The following FLNB variants were observed in gnomAD, a reference collection of about 807,000 sequenced individuals.
FLNB encodes filamin B.
A neutral mutation model predicts 250.6 loss-of-function variants in FLNB; 111 were observed. The observed-to-expected ratio is 0.44, with a 90% CI of 0.38 to 0.52. FLNB has a LOEUF of 0.52. FLNB is among the 20% of genes least tolerant of loss of function. The pLI, the probability that FLNB is intolerant of heterozygous loss-of-function variation, is 0.00. For synonymous variants in FLNB, 1,302 were observed against 1,372.1 expected (o/e 0.95, Z 1.13); for missense variants, 2,869 against 3,447.8 (o/e 0.83, Z 4.20).
intron 1 of FLNB, among the ~76,000 whole-genome samples, chr3:58,075,539 T>C (rs80232235): frequency 6.6e-6 from 1 of 152,220 alleles, no homozygotes; most frequent in African/African-American, 2.4e-5. Flanking sequence ...ATGGGGTTTA[T>C]GTAGGTTCTG....
chr3:58,169,880 C>T lies in FLNB; in HGVS notation c.7621+87C>T, dbSNP rs1338708710. The T allele has an allele frequency of 9.7e-7, 1 of 1,035,320 alleles. No homozygotes were observed. The allele number at this position is 1,035,320 out of a possible 1,614,324, so 64.1% of individuals were successfully genotyped here. On this transcript the variant is annotated intron_variant, in intron 45 of 45. Transcript: ENST00000295956. The surrounding 1 kb of genome is among the most constrained non-coding windows in gnomAD (Gnocchi z 4.8). Reference sequence around the variant, plus strand: ...CACTGGCCTTCCCTGCTGAGGTCTCCTGCAGTGCCCACCCCCATGTAGGCC... The same window carrying T: ...CACTGGCCTTCCCTGCTGAGGTCTCTTGCAGTGCCCACCCCCATGTAGGCC...
intron 22 of FLNB, among the ~76,000 whole-genome samples, chr3:58,125,218 A>C (rs1360675214): frequency 6.6e-6 from 1 of 152,056 alleles, no homozygotes; most frequent in Non-Finnish European, 1.5e-5. Flanking sequence ...CTGCAGGCTC[A>C]ACCTCCTGGG....
At chr3:58,085,903 C>T (rs2097216589) in intron 4 of FLNB, among the ~76,000 whole-genome samples, 3 of 152,190 alleles carry the variant, frequency 2.0e-5, no homozygotes, top group Admixed American at 1.3e-4. Flanking sequence ...AGACCTTTGA[C>T]AAGCTGCAGA....
intron 4 of FLNB, 40 bp from the exon 5 acceptor site, chr3:58,094,796 C>T (rs2097235224): frequency 1.9e-6 from 3 of 1,546,014 alleles, no homozygotes; most frequent in African/African-American, 1.4e-5. Context: ...ATGACACACC[C>T]TCGCCTGGCT....
At position 58,093,904 on chromosome 3, in the gene FLNB, C is replaced by T. The variant is rs141967648; in HGVS notation, c.788-932C>T. The stretch of plus-strand genomic sequence containing the variant: ...CATAGTTATGATTCCATTGATGTGA[C>T]GTTACCGAAATAATAAAATTACAGT... On this transcript the variant is annotated intron_variant, in intron 4 of 45. Coordinates refer to ENST00000295956, the MANE Select transcript of FLNB (RefSeq NM_001457.4). 5.4e-3 allele frequency among the ~76,000 whole-genome samples: 827 copies of T among 152,212 alleles called. 11 individuals are homozygous for T. Among genetic ancestry groups the T allele is most frequent in the Non-Finnish European group, 5.6e-3 (379 of 68,028 alleles).
intron 4 of FLNB, among the ~76,000 whole-genome samples, chr3:58,090,633 A>C (rs1285720698): frequency 6.6e-6 from 1 of 152,186 alleles, no homozygotes; most frequent in Non-Finnish European, 1.5e-5. Context: ...CCATCATTGT[A>C]TGTGTGGACT....
Position 58,095,084 on chromosome 3 carries a change from C to T in FLNB, c.906+130C>T, listed in dbSNP as rs1320443482. 4 of 793,416 alleles carry T rather than the reference C, an allele frequency of 5.0e-6. No individual in the cohort carries two copies. The East Asian group carries it at 7.4e-5, about 15-fold the overall frequency. The allele number at this position is 793,416 out of a possible 1,614,324, so 49.1% of individuals were successfully genotyped here. A position where few individuals can be genotyped will look rare whatever the true frequency, so the allele number is the denominator to read the frequency against. ...AAAAGTGTTTTTTACCAAAAGGATA[C>T]TGAGGCTTATAGCTGTTAAAGTAAC... On this transcript the variant is annotated intron_variant, in intron 5 of 45. Transcript: ENST00000295956.
chr3:58,129,490 C>G (rs773031851), intron 24 of FLNB, among the ~76,000 whole-genome samples: 4 of 152,170 alleles, frequency 2.6e-5, no homozygotes, highest in Admixed American at 6.5e-5. Flanking sequence ...CATTGAAATC[C>G]TCAACTGTCA....
Position 58,145,957 on chromosome 3 carries a change from G to A in FLNB, c.5462G>A (p.Ser1821Asn), listed in dbSNP as rs2107262228. ...CAGTTCTACGTGAACTACCCCAACA[G>A]TGGAAGTGTTTCTGCATACGGTCCA... is the stretch of plus-strand genomic sequence containing the variant. ...PLQFYVNYPN[S>N]GSVSAYGPGL... Residue 1821 changes from serine (S) to asparagine (N), a missense_variant, in exon 33 of 46, where the codon AGT becomes AAT. By Grantham distance (46) the Ser-to-Asn change is conservative. Transcript: ENST00000295956. The A allele has an allele frequency of 6.2e-7, 1 of 1,614,200 alleles. No individual in the cohort carries two copies. The highest frequency in any genetic ancestry group is 1.1e-5 in the South Asian group (1 of 91,080).
chr3:58,110,473 G>A lies in FLNB; in HGVS notation c.2484+303G>A, dbSNP rs1400642826. 2.6e-4 allele frequency among the ~76,000 whole-genome samples: 38 copies of A among 144,268 alleles called. 1 individual carries two copies. The highest frequency in any genetic ancestry group is 9.5e-4 in the African/African-American group (37 of 39,062). 94.6% of individuals were successfully genotyped at this position (144,268 alleles called of 152,430 possible). ...TATTTTTTTATTTTTTTTTTGAGAT[G>A]GAGTTTTGCTCTTGTTGCCCAAGCT... is the stretch of plus-strand genomic sequence containing the variant. On this transcript the variant is annotated intron_variant, in intron 16 of 45. Coordinates refer to ENST00000295956, the MANE Select transcript of FLNB (RefSeq NM_001457.4).
chr3:58,121,261 C>A lies in FLNB; in HGVS notation c.2884C>A (p.Gln962Lys). The stretch of plus-strand genomic sequence containing the variant: ...TCCAGGGGTGGAAGTTGGGAAGGAT[C>A]AGGAGTTCACCGTTGATACCAGGGG... ...LENRVEVGKD[Q>K]EFTVDTRGAG... Residue 962 changes from glutamine to lysine, a missense_variant, in exon 20 of 46, where the codon CAG (glutamine) becomes AAG (lysine). Gln to Lys is a moderately conservative substitution (Grantham distance 53). Around this residue, in one of 5 missense-constraint regions of FLNB, gnomAD observed 1,348 missense variants for 1,466.7 expected, o/e 0.92. Coordinates refer to ENST00000295956, the MANE Select transcript of FLNB (RefSeq NM_001457.4). 1 of 1,614,136 alleles carries A rather than the reference C, an allele frequency of 6.2e-7. No individual in the cohort carries two copies. The highest frequency in any genetic ancestry group is 1.3e-5 in the African/African-American group (1 of 75,024).
At chr3:58,126,894 AG>A (rs2097298887) in intron 24 of FLNB, 132 bp downstream of exon 24, 26 of 818,392 alleles carry the variant, frequency 3.2e-5, no homozygotes, top group Middle Eastern at 6.1e-4. Flanking sequence ...AGTTTTTCTT[AG>A]GGCTACATCT....
chr3:58,050,039 CT>C (rs1205782532), intron 1 of FLNB, among the ~76,000 whole-genome samples: 1 of 95,664 alleles, frequency 1.0e-5, no homozygotes, highest in Non-Finnish European at 2.2e-5. Context: ...TTTTTTTTTT[CT>C]TTTTTTTTGA....
chr3:58,071,914 A>G (rs2097195179), intron 1 of FLNB, among the ~76,000 whole-genome samples: 1 of 152,190 alleles, frequency 6.6e-6, no homozygotes. Flanking sequence ...ATCCACAAAG[A>G]AGATGTTTCC....
At chr3:58,064,439 G>C (rs2097182662) in intron 1 of FLNB, among the ~76,000 whole-genome samples, 1 of 152,090 alleles carries the variant, frequency 6.6e-6, no homozygotes, top group Admixed American at 6.6e-5. Context: ...TGGCATTATA[G>C]GCATGAGCCA....
chr3:58,121,735 C>T (rs973034147), intron 20 of FLNB, among the ~76,000 whole-genome samples: 5 of 152,154 alleles, frequency 3.3e-5, no homozygotes, highest in Non-Finnish European at 5.9e-5. Context: ...CTTCTTTCTT[C>T]GCTTGTTAGC....
intron 43 of FLNB, among the ~76,000 whole-genome samples, chr3:58,166,952 C>T (rs1403793722): frequency 6.6e-6 from 1 of 152,078 alleles, no homozygotes; most frequent in Non-Finnish European, 1.5e-5. Flanking sequence ...ATGGTGAGAC[C>T]CCATCTCTAC....
chr3:58,102,490 C>A, intron 9 of FLNB, 150 bp downstream of exon 9: 1 of 923,782 alleles, frequency 1.1e-6, no homozygotes. Context: ...TTGGGGAAGA[C>A]GGCAGTGATT....
At chr3:58,153,139 C>T (rs971347992) in intron 38 of FLNB, among the ~76,000 whole-genome samples, 13 of 152,358 alleles carry the variant, frequency 8.5e-5, no homozygotes, top group South Asian at 4.1e-4. Flanking sequence ...TGGATGACCA[C>T]GTCACCTTTG....
Sources: gnomAD v4.1 joint callset for allele counts (sites outside exome capture counted in the v4.1 genomes callset) on GRCh38, gnomAD v4.1.1 for gene constraint, gnomAD v4.1.1 regional missense constraint, Gnocchi (gnomAD v3.1) non-coding constraint, MANE v1.5 for transcripts, NCBI Gene and HGNC (gene_info 2026-07-23, HGNC 2026-07-21) for gene names.